DSC3: variants seen among roughly 807,000 people sequenced by gnomAD.
DSC3 encodes the protein desmocollin 3.
Under a neutral mutation model 89.5 loss-of-function variants are expected in DSC3, and 97 were observed. That is an observed-to-expected ratio of 1.08 (90% CI 0.92 to 1.28). The LOEUF is 1.28. Ranked by LOEUF, DSC3 falls within the 50% of genes most tolerant of loss-of-function variation. The pLI is 0.00. For missense variants in DSC3, 1,199 were observed against 1,085.3 expected, an observed-to-expected ratio of 1.10 and a Z score of -1.47; for synonymous variants, 436 against 384.1, an observed-to-expected ratio of 1.14 and a Z score of -1.58.
chr18:31,041,633 G>C (rs1307132970), intron 1 of DSC3, among the ~76,000 whole-genome samples: 1 of 152,170 alleles, frequency 6.6e-6, no homozygotes, highest in African/African-American at 2.4e-5. Flanking sequence ...CTCCTTTCTG[G>C]GCGTGCGGAA....
At position 31,035,791 on chromosome 18, in the gene DSC3, A is replaced by G. The variant is rs142986792; in HGVS notation, c.70-3515T>C. On this transcript the variant is annotated intron_variant, in intron 1 of 15. Coordinates refer to ENST00000360428, the MANE Select transcript of DSC3 (RefSeq NM_001941.5). ...ACACGTAGCTAAAGTCTTATGCTCTATTATATTTCCAACTCTTCTCCAGGG... is the reference window on the plus strand; with the variant it reads ...ACACGTAGCTAAAGTCTTATGCTCTGTTATATTTCCAACTCTTCTCCAGGG... Among the ~76,000 whole-genome samples the G allele has an allele frequency of 3.2e-3, 492 of 152,202 alleles. 3 individuals carry two copies. The highest frequency in any genetic ancestry group is 0.012 in the African/African-American group (481 of 41,548).
At position 31,024,215 on chromosome 18, in the gene DSC3, G is replaced by A. The variant is rs930187212; in HGVS notation, c.775+134C>T. ...TTGATTGAAAGTGATGGGATTAAGT[G>A]TTTTCTGGTAAGTAGATTCTAGTTC... On this transcript the variant is annotated intron_variant, in intron 6 of 15. Transcript: ENST00000360428. The A allele has an allele frequency of 3.7e-6, 3 of 815,596 alleles. No homozygotes were observed. The African/African-American group carries it at 5.3e-5, about 14-fold the overall frequency. The allele number at this position is 815,596 out of a possible 1,614,324, so 50.5% of individuals were successfully genotyped here. A position where few individuals can be genotyped will look rare whatever the true frequency, so the allele number is the denominator to read the frequency against.
rs1190948863 is a variant in DSC3, at chr18:31,006,990, G to A, written c.1805C>T (p.Pro602Leu). 1 of 1,613,902 alleles carries A rather than the reference G, an allele frequency of 6.2e-7. No homozygotes were observed. Among genetic ancestry groups the A allele is most frequent in the Non-Finnish European group, 8.5e-7 (1 of 1,179,926 alleles). Residue 602 changes from proline (P) to leucine (L), a missense_variant, in exon 12 of 16, where the codon CCT becomes CTT. Pro to Leu is a moderately conservative substitution (Grantham distance 98). Transcript: ENST00000360428. ...GAAATAAAATGGAGCTCCATGGACA[G>A]GTTCATCAGGATCAACAGCTAAAAT... ...TDILAVDPDE[P>L]VHGAPFYFSL...
chr18:30,997,218 A>T (rs960409316), intron 14 of DSC3, among the ~76,000 whole-genome samples, 170 bp from the exon 15 acceptor site: 3 of 152,148 alleles, frequency 2.0e-5, no homozygotes, highest in Non-Finnish European at 4.4e-5. Context: ...GTCTTCATTC[A>T]TTTTGTGCTG....
chr18:31,024,297 T>C (rs1985520259), intron 6 of DSC3, 52 bp downstream of exon 6: 3 of 1,488,676 alleles, frequency 2.0e-6, no homozygotes, highest in African/African-American at 2.8e-5. Flanking sequence ...TCTTTTAAAA[T>C]GTACACAGAC....
chr18:30,994,078 A>C lies in DSC3; in HGVS notation c.*97T>G. ...TAGCATAATTCAAAATTGAGAAAAA[A>C]ATCATCATATACATACATGTTGAAA... On this transcript the variant is annotated 3_prime_UTR_variant, in exon 16 of 16. Transcript: ENST00000360428. 1 of 1,196,824 alleles carries C rather than the reference A, an allele frequency of 8.4e-7. No individual in the cohort carries two copies. Among genetic ancestry groups the C allele is most frequent in the Admixed American group, 1.9e-5 (1 of 51,470 alleles). The allele number at this position is 1,196,824 out of a possible 1,614,324, so 74.1% of individuals were successfully genotyped here.
intron 9 of DSC3, among the ~76,000 whole-genome samples, chr18:31,011,427 G>A (rs567375042): frequency 2.0e-5 from 3 of 152,192 alleles, no homozygotes; most frequent in Non-Finnish European, 4.4e-5. Flanking sequence ...TTCTTGGTTT[G>A]GCCTACTGAT....
At chr18:30,997,668 T>C (rs1448815417) in intron 14 of DSC3, among the ~76,000 whole-genome samples, 4 of 152,176 alleles carry the variant, frequency 2.6e-5, no homozygotes, top group African/African-American at 7.2e-5. Context: ...GAAGATCTTA[T>C]TCCAGGGAGA....
At position 30,989,786 on chromosome 18, in the gene DSC3, C is replaced by G. The variant is rs905917212; in HGVS notation, c.*4389G>C. Among the ~76,000 whole-genome samples the G allele has an allele frequency of 7.9e-5, 12 of 151,964 alleles. No individual in the cohort carries two copies. Among genetic ancestry groups the G allele is most frequent in the African/African-American group, 2.9e-4 (12 of 41,360 alleles). On this transcript the variant is annotated 3_prime_UTR_variant, in exon 16 of 16. Coordinates refer to ENST00000360428, the MANE Select transcript of DSC3 (RefSeq NM_001941.5). ...AGCCTAATTCTAAATAATATAAGAG[C>G]CAAAATAAACTGTCTAAGCTGGTAT...
At position 30,996,876 on chromosome 18, in the gene DSC3, G is replaced by A. The variant is rs116198014; in HGVS notation, c.2408C>T (p.Ser803Phe). 7.7e-5 allele frequency: 124 copies of A among 1,613,756 alleles called. No individual in the cohort carries two copies. The highest frequency in any genetic ancestry group is 2.3e-4 in the Admixed American group (14 of 59,936). ...RGAGHHHTLDSCRGGHTEVDN... is the reference protein window; with the variant it reads ...RGAGHHHTLDFCRGGHTEVDN... ...CACCTCCGTGTGTCCTCCCCTGCAG[G>A]AGTCCAGGGTATGATGATGCCCAGC... Residue 803 changes from serine (S) to phenylalanine (F), a missense_variant, in exon 15 of 16, where the codon TCC becomes TTC. Ser to Phe is a radical substitution (Grantham distance 155). Transcript: ENST00000360428.
rs1170271895 is a variant in DSC3 at position 30,991,856 on chromosome 18, A to G, written c.*2319T>C. ...ACACATGTTCAAAATGATTACATTAAAAGAAGACGACTTTAAACGGAAAAC... is the reference window on the plus strand; with the variant it reads ...ACACATGTTCAAAATGATTACATTAGAAGAAGACGACTTTAAACGGAAAAC... On this transcript the variant is annotated 3_prime_UTR_variant, in exon 16 of 16. Transcript: ENST00000360428. 6.6e-6 allele frequency: 1 copy of G among 152,174 alleles called. No homozygotes were observed. The highest frequency in any genetic ancestry group is 2.1e-4 in the South Asian group (1 of 4,832). The allele number at this position is 152,174 out of a possible 1,614,324, so 9.4% of individuals were successfully genotyped here.
intron 7 of DSC3, among the ~76,000 whole-genome samples, chr18:31,019,325 G>T (rs143231167): frequency 2.0e-5 from 3 of 152,098 alleles, no homozygotes; most frequent in African/African-American, 4.8e-5. Flanking sequence ...TCCCGATCTC[G>T]TGATTCACCC....
intron 14 of DSC3, among the ~76,000 whole-genome samples, chr18:31,000,987 T>C (rs1055566878): frequency 2.7e-5 from 4 of 150,844 alleles, no homozygotes; most frequent in Non-Finnish European, 5.9e-5. Flanking sequence ...TATATATATA[T>C]ATTTTGTGTA....
At position 31,007,065 on chromosome 18, in the gene DSC3, AT is replaced by A. The variant is rs1567952100; in HGVS notation, c.1729del (p.Ile577TyrfsTer6). On this transcript the variant is annotated frameshift_variant, in exon 12 of 16. Transcript: ENST00000360428. LOFTEE classifies it high-confidence loss of function. ...IEDVNDNPPE[I>X]LQEYVVICKP... is the part of the protein sequence containing the mutation. ...GCAAATGACTACATATTCTTGAAGT[AT>A]TTCTGGTGGATTATCATTTACATCT... The A allele has an allele frequency of 6.2e-7, 1 of 1,613,916 alleles. No homozygotes were observed. The highest frequency in any genetic ancestry group is 2.2e-5 in the East Asian group (1 of 44,830).
intron 14 of DSC3, among the ~76,000 whole-genome samples, chr18:31,000,475 C>G (rs1984615666): frequency 6.6e-6 from 1 of 152,148 alleles, no homozygotes; most frequent in Non-Finnish European, 1.5e-5. Flanking sequence ...TGTAGAAAAG[C>G]CTTGGCTGGC....
At chr18:31,004,110 T>C (rs1257136629) in intron 13 of DSC3, 32 bp downstream of exon 13, 19 of 1,510,908 alleles carry the variant, frequency 1.3e-5, no homozygotes, top group Admixed American at 5.0e-5. Context: ...TTTTATTATA[T>C]ATTTTAACTT....
intron 2 of DSC3, 40 bp downstream of exon 2, chr18:31,032,152 A>C (rs1422750070): frequency 7.0e-7 from 1 of 1,427,682 alleles, no homozygotes; most frequent in South Asian, 1.1e-5. Context: ...GCCTATGTAA[A>C]CTAAATTTCT....
chr18:31,042,650 G>A lies in DSC3; in HGVS notation c.11C>T (p.Ala4Val). Residue 4 changes from alanine to valine, a missense_variant, in exon 1 of 16, where the codon GCT becomes GTT. Coordinates refer to ENST00000360428, the MANE Select transcript of DSC3 (RefSeq NM_001941.5). ...TCCGCGCACGGAGCGCCGGGGCCCA[G>A]CGGCGGCCATCGGGATGCCGGGCAG... The part of the protein sequence containing the change: MAA[A>V]GPRRSVRGAV... 1.3e-6 allele frequency: 2 copies of A among 1,549,588 alleles called. No individual in the cohort carries two copies. The highest frequency in any genetic ancestry group is 1.2e-5 in the South Asian group (1 of 84,006).
chr18:31,014,191 A>T (rs918205559), intron 9 of DSC3, among the ~76,000 whole-genome samples: 1 of 152,050 alleles, frequency 6.6e-6, no homozygotes, highest in Non-Finnish European at 1.5e-5. Flanking sequence ...TTCCATAGAT[A>T]TGGAACTGGT....
Sources: gnomAD v4.1 joint callset for allele counts (sites outside exome capture counted in the v4.1 genomes callset) on GRCh38, gnomAD v4.1.1 for gene constraint, MANE v1.5 for transcripts, NCBI Gene and HGNC (gene_info 2026-07-23, HGNC 2026-07-21) for gene names.